The following ELMO1 variants were observed in gnomAD, a reference collection of about 807,000 sequenced individuals.
ELMO1 encodes engulfment and cell motility protein 1.
In ELMO1, 26 loss-of-function variants were observed where a neutral mutation model predicts 98.9. The ratio of observed to expected loss-of-function variants is 0.26; its 90% CI spans 0.19 to 0.36. The LOEUF (loss-of-function observed/expected upper bound fraction) is 0.36, where lower values mean the gene tolerates loss of function less well. Ranked by LOEUF, ELMO1 falls within the 10% of genes least tolerant of loss-of-function variation. The pLI is 1.00. For missense variants in ELMO1, 627 were observed against 935.2 expected (o/e 0.67, Z 4.30); for synonymous variants, 346 against 346.0 (o/e 1.00, Z 0.00).
chr7:37,217,207 G>A (rs1793336700), intron 10 of ELMO1, among the ~76,000 whole-genome samples: 1 of 151,752 alleles, frequency 6.6e-6, no homozygotes, highest in Admixed American at 6.6e-5. Flanking sequence ...GCAAATATCT[G>A]GGTGATGCAA....
In ELMO1 at chr7:37,388,732, G is replaced by C. The variant is rs1266103483; in HGVS notation, c.-73-45969C>G. On this transcript the variant is annotated intron_variant, in intron 1 of 21. Transcript: ENST00000310758. ...AGGAGGAGATCTCTTGAGCCCAGGA[G>C]ATAGAGGTTACAGTGAACTATGATT... 2.6e-5 allele frequency among the ~76,000 whole-genome samples: 4 copies of C among 152,058 alleles called. No homozygotes were observed. The East Asian group carries it at 7.7e-4, about 29-fold the overall frequency.
At chr7:37,296,913 C>A (rs1798055545) in intron 4 of ELMO1, among the ~76,000 whole-genome samples, 1 of 152,178 alleles carries the variant, frequency 6.6e-6, no homozygotes, top group Non-Finnish European at 1.5e-5. Context: ...GACATGCTCT[C>A]AAGCCAATAC....
At chr7:37,238,272 G>A (rs1224915281) in intron 7 of ELMO1, among the ~76,000 whole-genome samples, 4 of 151,934 alleles carry the variant, frequency 2.6e-5, no homozygotes, top group South Asian at 2.1e-4. Context: ...CATGTCTATC[G>A]ATGAATTTAT....
At chr7:37,029,287 CTGAT>C (rs1335326672) in intron 15 of ELMO1, among the ~76,000 whole-genome samples, 1 of 152,136 alleles carries the variant, frequency 6.6e-6, no homozygotes, top group African/African-American at 2.4e-5. Context: ...TTGATCCTGA[CTGAT>C]CACATACATA....
intron 1 of ELMO1, among the ~76,000 whole-genome samples, chr7:37,440,814 AG>A (rs1447172905): frequency 5.3e-5 from 8 of 151,108 alleles, no homozygotes; most frequent in Non-Finnish European, 7.4e-5. Context: ...GGAGAGTTGG[AG>A]GGGTGGACGG....
chr7:37,033,066 A>G (rs1794965598), intron 15 of ELMO1, among the ~76,000 whole-genome samples: 1 of 152,176 alleles, frequency 6.6e-6, no homozygotes, highest in Non-Finnish European at 1.5e-5. Context: ...CCTTCAGAAT[A>G]ATTTACTAGT....
At chr7:37,020,602 C>CA (rs1293596544) in intron 15 of ELMO1, among the ~76,000 whole-genome samples, 2 of 152,132 alleles carry the variant, frequency 1.3e-5, no homozygotes, top group African/African-American at 4.8e-5. Flanking sequence ...TTTCTAAAGA[C>CA]AAATACACAT....
At chr7:37,419,123 G>A (rs539659995) in intron 1 of ELMO1, among the ~76,000 whole-genome samples, 4 of 152,112 alleles carry the variant, frequency 2.6e-5, no homozygotes, top group Non-Finnish European at 2.9e-5. Context: ...GACCCAATGT[G>A]GACTTCTAAA....
intron 13 of ELMO1, among the ~76,000 whole-genome samples, chr7:37,194,471 G>A (rs1259830358): frequency 6.6e-6 from 1 of 151,916 alleles, no homozygotes; most frequent in Admixed American, 6.6e-5. Flanking sequence ...TCTAGTTTCG[G>A]CCAATATCAC....
chr7:37,075,345 C>T (rs909653182), intron 15 of ELMO1, among the ~76,000 whole-genome samples: 39 of 149,768 alleles, frequency 2.6e-4, no homozygotes, highest in African/African-American at 8.1e-4. Flanking sequence ...TTAGTAGAGA[C>T]GGGGTTTCAC....
intron 1 of ELMO1, among the ~76,000 whole-genome samples, chr7:37,427,120 G>A (rs985413763): frequency 1.3e-5 from 2 of 152,114 alleles, no homozygotes; most frequent in Non-Finnish European, 2.9e-5. Context: ...CTTTAGAAAC[G>A]AGATTCAAAT....
At chr7:37,198,998 T>G (rs1421666984) in intron 13 of ELMO1, among the ~76,000 whole-genome samples, 1 of 152,196 alleles carries the variant, frequency 6.6e-6, no homozygotes, top group Non-Finnish European at 1.5e-5. Flanking sequence ...TGAAGTGCCA[T>G]CAGCCTGCAG....
In ELMO1 at chr7:37,001,743, G is replaced by A. The variant is rs533665583; in HGVS notation, c.1437+11556C>T. Among the ~76,000 whole-genome samples the A allele has an allele frequency of 1.2e-4, 19 of 152,302 alleles. No individual in the cohort carries two copies. In the East Asian group the frequency reaches 1.4e-3, roughly 11 times the overall value. On this transcript the variant is annotated intron_variant, in intron 16 of 21. Transcript: ENST00000310758. The stretch of plus-strand genomic sequence containing the variant: ...ATGAGACATGAAAATGCAATTGCAC[G>A]TACAAGAGCAGTTCAGGTAGAGCCT...
intron 1 of ELMO1, among the ~76,000 whole-genome samples, chr7:37,414,687 C>T (rs10464229): frequency 6.6e-6 from 1 of 152,186 alleles, no homozygotes; most frequent in Non-Finnish European, 1.5e-5. Context: ...CACCATACCT[C>T]TAATCTTTTC....
At chr7:37,377,478 G>T (rs1299850216) in intron 1 of ELMO1, among the ~76,000 whole-genome samples, 1 of 151,952 alleles carries the variant, frequency 6.6e-6, no homozygotes, top group Non-Finnish European at 1.5e-5. Flanking sequence ...GGTAGAATGG[G>T]GAATACCACC....
chr7:37,267,844 C>T (rs952613650), intron 5 of ELMO1, among the ~76,000 whole-genome samples: 5 of 152,208 alleles, frequency 3.3e-5, no homozygotes, highest in African/African-American at 1.2e-4. Context: ...ACCGGACCTC[C>T]ATTATGCAGC....
intron 1 of ELMO1, among the ~76,000 whole-genome samples, chr7:37,372,007 T>C (rs1802134512): frequency 6.6e-6 from 1 of 152,132 alleles, no homozygotes; most frequent in Non-Finnish European, 1.5e-5. Flanking sequence ...AACTAATAAC[T>C]GTCAAAGGTA....
intron 16 of ELMO1, among the ~76,000 whole-genome samples, chr7:36,965,725 A>C (rs1789366351): frequency 6.6e-6 from 1 of 152,196 alleles, no homozygotes; most frequent in Non-Finnish European, 1.5e-5. Flanking sequence ...GCAGTCCATA[A>C]AGAAGTGGAA....
intron 14 of ELMO1, among the ~76,000 whole-genome samples, chr7:37,131,617 C>CA (rs890889590): frequency 6.6e-6 from 1 of 152,116 alleles, no homozygotes; most frequent in South Asian, 2.1e-4. Context: ...CATGGTATCT[C>CA]AAAAATATTA....
Sources: allele counts gnomAD v4.1 joint callset (sites outside exome capture counted in the v4.1 genomes callset), GRCh38; gene constraint gnomAD v4.1.1; transcripts MANE v1.5; gene names NCBI Gene and HGNC (gene_info 2026-07-23, HGNC 2026-07-21).